The following HLF variants were observed in gnomAD, a reference collection of about 807,000 sequenced individuals.
HLF encodes hepatic leukemia factor.
A neutral mutation model predicts 22.6 loss-of-function variants in HLF; 3 were observed. That is an observed-to-expected ratio of 0.13 (90% confidence interval 0.06 to 0.34). The LOEUF is 0.34. HLF is among the 10% of genes least tolerant of loss of function. The probability of loss-of-function intolerance (pLI) is 1.00; values close to 1 mark genes in which losing one functional copy is unlikely to be tolerated. For missense variants in HLF, 299 were observed against 389.2 expected, an observed-to-expected ratio of 0.77 and a Z score of 1.95; for synonymous variants, 151 against 151.8, an observed-to-expected ratio of 0.99 and a Z score of 0.04.
chr17:55,269,715 A>G (rs992223099), intron 2 of HLF, among the ~76,000 whole-genome samples: 3 of 151,744 alleles, frequency 2.0e-5, no homozygotes, highest in Admixed American at 6.5e-5. Context: ...TGTGGAAGCA[A>G]TTGTGATCAT....
chr17:55,272,416 G>A (rs776029493), intron 2 of HLF: 2 of 152,200 alleles, frequency 1.3e-5, no homozygotes, highest in African/African-American at 4.8e-5. Context: ...TAGCTGGGGG[G>A]TGTCCTACCA....
At chr17:55,284,934 A>G (rs1347828528) in intron 2 of HLF, among the ~76,000 whole-genome samples, 11 of 152,092 alleles carry the variant, frequency 7.2e-5, no homozygotes, top group African/African-American at 2.4e-4. Flanking sequence ...TTCCCAAGAT[A>G]TAGATATATA....
At chr17:55,282,298 G>A (rs563029389) in intron 2 of HLF, among the ~76,000 whole-genome samples, 2 of 152,234 alleles carry the variant, frequency 1.3e-5, no homozygotes, top group East Asian at 1.9e-4. Flanking sequence ...TGTAAGCTCC[G>A]TGATGCTGCT....
At chr17:55,312,099 G>A (rs1904854327) in intron 2 of HLF, among the ~76,000 whole-genome samples, 1 of 152,170 alleles carries the variant, frequency 6.6e-6, no homozygotes, top group Non-Finnish European at 1.5e-5. Context: ...CCGTGTCTTT[G>A]CTATTGTGAA....
At chr17:55,304,687 G>T (rs931438364) in intron 2 of HLF, among the ~76,000 whole-genome samples, 2 of 152,202 alleles carry the variant, frequency 1.3e-5, no homozygotes, top group African/African-American at 4.8e-5. Context: ...AACAGGCTTT[G>T]CTTGGGCTGT....
Position 55,265,361 on chromosome 17 carries a change from T to C in HLF, c.-124T>C. On this transcript the variant is annotated 5_prime_UTR_variant, in exon 1 of 4. Transcript: ENST00000226067. ...TATAAGTAATTTTTTTCTTCCCTTT[T>C]CTCCACCGCCTTGAGAGCGAGTACT... 1 of 625,274 alleles carries C rather than the reference T, an allele frequency of 1.6e-6. No individual in the cohort carries two copies. The highest frequency in any genetic ancestry group is 2.8e-6 in the Non-Finnish European group (1 of 353,622). 38.7% of individuals were successfully genotyped at this position (625,274 alleles called of 1,614,324 possible). A position where few individuals can be genotyped will look rare whatever the true frequency, so the allele number is the denominator to read the frequency against.
rs1310903185 is a variant in HLF at position 55,320,460 on chromosome 17, G to A, written c.673-204G>A. 6.6e-6 allele frequency among the ~76,000 whole-genome samples: 1 copy of A among 152,120 alleles called. No homozygotes were observed. The highest frequency in any genetic ancestry group is 2.4e-5 in the African/African-American group (1 of 41,416). ...GAGTAGGAGCCTGTTGGGACAGATC[G>A]GTGGGTCCTTGCTCCAAGAAGGAAG... On this transcript the variant is annotated intron_variant, in intron 3 of 3. Coordinates refer to ENST00000226067, the MANE Select transcript of HLF (RefSeq NM_002126.5). This position sits in a 1 kb window ranked among gnomAD's most constrained non-coding sequence, Gnocchi z 4.2.
chr17:55,291,225 A>G (rs2081058946), intron 2 of HLF, among the ~76,000 whole-genome samples: 1 of 152,246 alleles, frequency 6.6e-6, no homozygotes, highest in Admixed American at 6.5e-5. Context: ...CAGAGTTTCA[A>G]TATAGACTAC....
chr17:55,277,203 G>A (rs925109903), intron 2 of HLF, among the ~76,000 whole-genome samples: 1 of 148,156 alleles, frequency 6.7e-6, no homozygotes, highest in Non-Finnish European at 1.5e-5. Context: ...CAGCTTACTA[G>A]GTTTGCAAAT....
In HLF at chr17:55,265,331, A is replaced by C; in HGVS notation, c.-154A>C. On this transcript the variant is annotated 5_prime_UTR_variant, in exon 1 of 4. An upstream open reading frame in the 5' UTR loses its in-frame stop. Coordinates refer to ENST00000226067, the MANE Select transcript of HLF (RefSeq NM_002126.5). ...TATATTTTTATGCAGATGTATTTAT[A>C]AAGATATAAGTAATTTTTTTCTTCC... The C allele has an allele frequency of 5.1e-6, 3 of 584,716 alleles. No homozygotes were observed. The highest frequency in any genetic ancestry group is 9.0e-6 in the Non-Finnish European group (3 of 332,496). 36.2% of individuals were successfully genotyped at this position (584,716 alleles called of 1,614,324 possible). A position where few individuals can be genotyped will look rare whatever the true frequency, so the allele number is the denominator to read the frequency against.
At chr17:55,295,859 G>C (rs898028387) in intron 2 of HLF, among the ~76,000 whole-genome samples, 2 of 152,202 alleles carry the variant, frequency 1.3e-5, no homozygotes, top group African/African-American at 2.4e-5. Context: ...TGGAGGAGGA[G>C]GGGGAGGCCA....
At chr17:55,272,647 G>C (rs892717915) in intron 2 of HLF, 4 of 152,364 alleles carry the variant, frequency 2.6e-5, no homozygotes, top group Admixed American at 6.5e-5. Flanking sequence ...TGTTTCTGCC[G>C]ACCTTCCTTG....
At position 55,321,158 on chromosome 17, in the gene HLF, T is replaced by A. The variant is rs761829513; in HGVS notation, c.*279T>A. On this transcript the variant is annotated 3_prime_UTR_variant, in exon 4 of 4. Coordinates refer to ENST00000226067, the MANE Select transcript of HLF (RefSeq NM_002126.5). ...TTCCAACAAAGAAAGGTGCCATGTC[T>A]TTACTAGACTGAGGAGCCCTCTCGC... 2.5e-6 allele frequency: 1 copy of A among 398,410 alleles called. No homozygotes were observed. Among genetic ancestry groups the A allele is most frequent in the Non-Finnish European group, 4.6e-6 (1 of 215,832 alleles). 24.7% of individuals were successfully genotyped at this position (398,410 alleles called of 1,614,324 possible). A position where few individuals can be genotyped will look rare whatever the true frequency, so the allele number is the denominator to read the frequency against.
rs369996544 is a variant in HLF, at chr17:55,307,111, C to T, written c.452-8116C>T. ...TCCTCCCTCTCTTTGGTTTCTTCTT[C>T]CTTTCAAGGGGGTTGAATGGTCTCC... On this transcript the variant is annotated intron_variant, in intron 2 of 3. Coordinates refer to ENST00000226067, the MANE Select transcript of HLF (RefSeq NM_002126.5). Among the ~76,000 whole-genome samples, 22 of 148,318 alleles carry T rather than the reference C, an allele frequency of 1.5e-4. No individual in the cohort carries two copies. The South Asian group carries it at 3.2e-3, about 22-fold the overall frequency.
intron 2 of HLF, among the ~76,000 whole-genome samples, chr17:55,291,286 A>T (rs1567817897): frequency 6.6e-6 from 1 of 152,232 alleles, no homozygotes. Context: ...GCTGGAGATA[A>T]ATCCATGCCT....
intron 1 of HLF, chr17:55,266,733 T>G (rs1598384160): frequency 1.5e-6 from 1 of 655,948 alleles, no homozygotes; most frequent in Non-Finnish European, 1.9e-6. Flanking sequence ...GGAGGCTGTG[T>G]TTCTCTGAAG....
intron 2 of HLF, among the ~76,000 whole-genome samples, chr17:55,307,843 A>AC (rs991494350): frequency 1.3e-5 from 2 of 151,996 alleles, no homozygotes; most frequent in Non-Finnish European, 2.9e-5. Flanking sequence ...AAAAAAAAAA[A>AC]AAACATCAAA....
intron 2 of HLF, among the ~76,000 whole-genome samples, chr17:55,299,528 A>G (rs1718523125): frequency 6.6e-6 from 1 of 152,198 alleles, no homozygotes; most frequent in African/African-American, 2.4e-5. Flanking sequence ...CTTGGTTCTC[A>G]ACATACCAAG....
intron 2 of HLF, among the ~76,000 whole-genome samples, chr17:55,297,455 A>G (rs1035035657): frequency 2.0e-5 from 3 of 152,168 alleles, no homozygotes; most frequent in African/African-American, 7.2e-5. Context: ...TTGCTTAGGT[A>G]GCCTCAATAG....
Sources: allele counts gnomAD v4.1 joint callset (sites outside exome capture counted in the v4.1 genomes callset), GRCh38; gene constraint gnomAD v4.1.1; non-coding constraint Gnocchi (gnomAD v3.1); transcripts MANE v1.5; gene names NCBI Gene and HGNC (gene_info 2026-07-23, HGNC 2026-07-21).